Variants in CUL4A observed in about 807,000 individuals in gnomAD.
CUL4A encodes the protein cullin 4A.
CUL4A carries 16 observed loss-of-function variants against 95.5 expected under a neutral mutation model. The ratio of observed to expected loss-of-function variants is 0.17; its 90% CI spans 0.11 to 0.25. CUL4A has a LOEUF of 0.25. CUL4A is among the 10% of genes least tolerant of loss of function. The probability of loss-of-function intolerance (pLI) is 1.00; values close to 1 mark genes in which losing one functional copy is unlikely to be tolerated. For missense variants in CUL4A, 610 were observed against 937.0 expected (o/e 0.65, Z 4.56); for synonymous variants, 380 against 353.1 (o/e 1.08, Z -0.85).
At chr13:113,212,709 C>G (rs886650831) in intron 2 of CUL4A, among the ~76,000 whole-genome samples, 3 of 152,124 alleles carry the variant, frequency 2.0e-5, no homozygotes, top group African/African-American at 7.2e-5. Flanking sequence ...CGCTTGAACC[C>G]GGGAGGCGGA....
intron 5 of CUL4A, among the ~76,000 whole-genome samples, chr13:113,230,447 T>C (rs905613870): frequency 5.3e-5 from 8 of 152,170 alleles, no homozygotes; most frequent in African/African-American, 1.7e-4. Context: ...ATTAATGCCA[T>C]TTGCCCTTCT....
chr13:113,263,646 C>T lies in CUL4A; in HGVS notation c.*64C>T. On this transcript the variant is annotated 3_prime_UTR_variant, in exon 20 of 20. Coordinates refer to ENST00000375440, the MANE Select transcript of CUL4A (RefSeq NM_001008895.4). ...TGTACCCTCAGAGCAGGAAGCACAC[C>T]TGTGCCATTTCTGGGACTCTGATTG... 4 of 1,055,114 alleles carry T rather than the reference C, an allele frequency of 3.8e-6. No homozygotes were observed. The highest frequency in any genetic ancestry group is 1.6e-5 in the African/African-American group (1 of 61,446). 65.4% of individuals were successfully genotyped at this position (1,055,114 alleles called of 1,614,324 possible). A position where few individuals can be genotyped will look rare whatever the true frequency, so the allele number is the denominator to read the frequency against.
At chr13:113,259,703 C>T (rs771961229) in intron 18 of CUL4A, among the ~76,000 whole-genome samples, 1 of 152,162 alleles carries the variant, frequency 6.6e-6, no homozygotes, top group Non-Finnish European at 1.5e-5. Flanking sequence ...TCCTGATGGT[C>T]ATTATGTTTT....
intron 8 of CUL4A, among the ~76,000 whole-genome samples, chr13:113,235,970 CAAAAA>C (rs35017025): frequency 3.1e-5 from 2 of 65,112 alleles, no homozygotes; most frequent in Non-Finnish European, 6.3e-5. Flanking sequence ...GACTCCGTCT[CAAAAA>C]AAAAAAAAAA....
At position 113,243,492 on chromosome 13, in the gene CUL4A, G is replaced by A. The variant is rs183495034; in HGVS notation, c.1228+332G>A. Among the ~76,000 whole-genome samples, 572 of 152,158 alleles carry A rather than the reference G, an allele frequency of 3.8e-3. 6 individuals carry two copies. The highest frequency in any genetic ancestry group is 6.5e-3 in the Non-Finnish European group (445 of 68,012). On this transcript the variant is annotated intron_variant, in intron 11 of 19. Transcript: ENST00000375440. ...ATTAAAATAGGATAAAACCAGATGAGATCTCAAATGATAATACTATTTTTA... is the reference window on the plus strand; with the variant it reads ...ATTAAAATAGGATAAAACCAGATGAAATCTCAAATGATAATACTATTTTTA...
At chr13:113,239,749 A>C (rs1262371478) in intron 10 of CUL4A, among the ~76,000 whole-genome samples, 198 bp downstream of exon 10, 3 of 152,216 alleles carry the variant, frequency 2.0e-5, no homozygotes, top group Non-Finnish European at 4.4e-5. Flanking sequence ...TTTTTAGGAT[A>C]ACACCAGCAG....
At chr13:113,208,602 C>T (rs1434346926), upstream of CUL4A, 2 of 1,608,098 alleles carry the variant, frequency 1.2e-6, no homozygotes, top group Admixed American at 3.4e-5. Context: ...GACCCACCTG[C>T]TGCAGGTACT....
intron 3 of CUL4A, among the ~76,000 whole-genome samples, chr13:113,226,439 G>T (rs1318597476): frequency 6.6e-6 from 1 of 152,212 alleles, no homozygotes; most frequent in East Asian, 1.9e-4. Context: ...GCACCACGAG[G>T]TTGGGGAGAT....
rs2042390116 is a variant in CUL4A, at chr13:113,265,933, GA to G, written c.*2354del. The stretch of plus-strand genomic sequence containing the variant: ...GAGCAAATGAAAATCTGTGACTGAA[GA>G]AAGAATTCACCAAGTTAACCAGACA... On this transcript the variant is annotated 3_prime_UTR_variant, in exon 20 of 20. Transcript: ENST00000375440. 1 of 152,172 alleles carries G rather than the reference GA, an allele frequency of 6.6e-6. No homozygotes were observed. The highest frequency in any genetic ancestry group is 2.4e-5 in the African/African-American group (1 of 41,448). The allele number at this position is 152,172 out of a possible 1,614,324, so 9.4% of individuals were successfully genotyped here.
intron 15 of CUL4A, among the ~76,000 whole-genome samples, chr13:113,246,429 T>TA (rs1446621266): frequency 1.3e-5 from 2 of 152,366 alleles, no homozygotes; most frequent in East Asian, 3.9e-4. Context: ...TGTCAGCCAC[T>TA]ACTTTAGCTA....
intron 19 of CUL4A, among the ~76,000 whole-genome samples, chr13:113,261,544 T>C (rs2042276161): frequency 6.6e-6 from 1 of 152,296 alleles, no homozygotes; most frequent in African/African-American, 2.4e-5. Flanking sequence ...CTCAGGGCCC[T>C]GGGAAGCTCC....
chr13:113,227,404 TG>T (rs568443668), intron 3 of CUL4A, among the ~76,000 whole-genome samples: 95 of 152,326 alleles, frequency 6.2e-4, no homozygotes, highest in African/African-American at 2.3e-3. Context: ...GGGTCTCTTT[TG>T]TAACCCCATT....
intron 4 of CUL4A, 45 bp from the exon 5 acceptor site, chr13:113,229,401 G>T (rs772255869): frequency 2.6e-5 from 40 of 1,533,492 alleles, no homozygotes; most frequent in Admixed American, 1.7e-4. Flanking sequence ...TTCATATTTT[G>T]CTAGTAGAAT....
intron 6 of CUL4A, 116 bp downstream of exon 6, chr13:113,233,455 GGA>G (rs2139190390): frequency 2.0e-6 from 2 of 1,021,284 alleles, no homozygotes; most frequent in Non-Finnish European, 2.8e-6. Flanking sequence ...GTTGAAGATA[GGA>G]GAGTCTTTAA....
intron 18 of CUL4A, among the ~76,000 whole-genome samples, chr13:113,260,069 T>TG (rs912850083): frequency 1.0e-4 from 15 of 146,672 alleles, no homozygotes; most frequent in African/African-American, 3.3e-4. Flanking sequence ...CCGGGCATGG[T>TG]GGGGGGGCAC....
In CUL4A at chr13:113,253,111, A is replaced by G; in HGVS notation, c.1668A>G (p.Ala556=). 1 of 1,606,304 alleles carries G rather than the reference A, an allele frequency of 6.2e-7. No homozygotes were observed. Among genetic ancestry groups the G allele is most frequent in the South Asian group, 1.1e-5 (1 of 89,598 alleles). The change falls in exon 16 of 20, where the codon GCA becomes GCG. Residue 556 remains alanine (A), a synonymous_variant. Coordinates refer to ENST00000375440, the MANE Select transcript of CUL4A (RefSeq NM_001008895.4). ...EMIKLQEVFK[A]FYLGKHSGRK... ...TTAAACTTCAGGAAGTATTTAAGGC[A>G]TTTTATCTTGGAAAGCACAGTGGTC...
intron 2 of CUL4A, among the ~76,000 whole-genome samples, chr13:113,211,022 A>G (rs7984665): frequency 0.016 from 2,512 of 152,296 alleles, 35 homozygotes; most frequent in East Asian, 0.071. Flanking sequence ...TAACAGATGC[A>G]TGCAGTTACG....
chr13:113,225,580 G>A (rs2041071349), intron 3 of CUL4A, among the ~76,000 whole-genome samples: 1 of 152,234 alleles, frequency 6.6e-6, no homozygotes, highest in African/African-American at 2.4e-5. Flanking sequence ...GTGTCAGATT[G>A]ACTGGTGTCA....
At chr13:113,209,063 C>T (rs182048963), upstream of CUL4A, 19 of 228,946 alleles carry the variant, frequency 8.3e-5, no homozygotes, top group African/African-American at 4.4e-4. Flanking sequence ...AGGGACATGG[C>T]GCGCGCTCCC....
Sources: gnomAD v4.1 joint callset for allele counts (sites outside exome capture counted in the v4.1 genomes callset) on GRCh38, gnomAD v4.1.1 for gene constraint, MANE v1.5 for transcripts, NCBI Gene and HGNC (gene_info 2026-07-23, HGNC 2026-07-21) for gene names.